The following MMUT variants were observed in gnomAD, a reference collection of about 807,000 sequenced individuals.
MMUT encodes the protein methylmalonyl-CoA mutase, mitochondrial.
In MMUT, 79 loss-of-function variants were observed where a neutral mutation model predicts 79.9. The observed-to-expected ratio is 0.99, with a 90% CI of 0.82 to 1.19. The LOEUF is 1.19. MMUT is among the 50% of genes most tolerant of loss of function. The pLI is 0.00. For synonymous variants in MMUT, 273 were observed against 295.7 expected, an observed-to-expected ratio of 0.92 and a Z score of 0.79; for missense variants, 860 against 917.2, an observed-to-expected ratio of 0.94 and a Z score of 0.81.
chr6:49,451,367 A>G (rs1767546380), intron 6 of MMUT, 99 bp downstream of exon 6: 3 of 1,344,534 alleles, frequency 2.2e-6, no homozygotes, highest in South Asian at 1.4e-5. Flanking sequence ...TGATTTATAA[A>G]TTTAAAATCT....
chr6:49,457,825 C>T lies in MMUT; in HGVS notation c.619G>A (p.Gly207Ser). 6.2e-7 allele frequency: 1 copy of T among 1,613,650 alleles called. No individual in the cohort carries two copies. Among genetic ancestry groups the T allele is most frequent in the Non-Finnish European group, 8.5e-7 (1 of 1,179,636 alleles). ...ANFIVTGEEQ[G>S]VPKEKLTGTI... ...CCAGTAAGCTTCTCTTTAGGTACAC[C>T]TTGTTCTTCTCCAGTTACTATAAAA... Residue 207 changes from glycine (G) to serine (S), a missense_variant, in exon 3 of 13, where the codon GGT (glycine) becomes AGT (serine). Gly to Ser is a moderately conservative substitution (Grantham distance 56). Transcript: ENST00000274813.
chr6:49,447,587 T>G (rs1767439860), intron 8 of MMUT, 83 bp downstream of exon 8: 3 of 774,646 alleles, frequency 3.9e-6, no homozygotes, highest in East Asian at 5.1e-5. Context: ...AGGATTAATT[T>G]AAGCAGGACA....
At chr6:49,432,842 G>C (rs1767022583) in intron 12 of MMUT, among the ~76,000 whole-genome samples, 1 of 152,124 alleles carries the variant, frequency 6.6e-6, no homozygotes, top group Non-Finnish European at 1.5e-5. Context: ...TTATCCAGTA[G>C]GGTGATCATA....
rs1265416780 is a variant in MMUT, at chr6:49,457,844, T to C, written c.600A>G (p.Ile200Met). 1 of 1,613,720 alleles carries C rather than the reference T, an allele frequency of 6.2e-7. No individual in the cohort carries two copies. Among genetic ancestry groups the C allele is most frequent in the African/African-American group, 1.3e-5 (1 of 74,908 alleles). ...GTACACCTTGTTCTTCTCCAGTTAC[T>C]ATAAAATTTGCAAGAACTGGAATAA... ...GAVIPVLANFIVTGEEQGVPK... is the reference protein window; with the variant it reads ...GAVIPVLANFMVTGEEQGVPK... Residue 200 changes from isoleucine (I) to methionine (M), a missense_variant, in exon 3 of 13, where the codon ATA (isoleucine) becomes ATG (methionine). Ile to Met is a conservative substitution (Grantham distance 10, BLOSUM62 1). Coordinates refer to ENST00000274813, the MANE Select transcript of MMUT (RefSeq NM_000255.4).
chr6:49,432,366 TTTTAG>T (rs1767002009), intron 12 of MMUT, among the ~76,000 whole-genome samples: 4 of 152,208 alleles, frequency 2.6e-5, no homozygotes, highest in African/African-American at 4.8e-5. Context: ...TGTTGATTTT[TTTTAG>T]TTTATTTATT....
chr6:49,453,872 C>A, intron 4 of MMUT, 116 bp from the exon 5 acceptor site: 2 of 891,598 alleles, frequency 2.2e-6, no homozygotes, highest in Admixed American at 2.2e-5. Context: ...TTTCGAAGAA[C>A]TTAATTTGAA....
Position 49,459,505 on chromosome 6 carries a change from C to T in MMUT, c.-39G>A, listed in dbSNP as rs1223999421. The T allele has an allele frequency of 6.3e-7, 1 of 1,598,544 alleles. No individual in the cohort carries two copies. The highest frequency in any genetic ancestry group is 8.5e-7 in the Non-Finnish European group (1 of 1,178,418). ...AACACCCAATAGAAATAAGAACTGA[C>T]CTAGAAAAAGAAACATAGAGTAAAA... is the stretch of plus-strand genomic sequence containing the variant. On this transcript the variant is annotated splice_region_variant and 5_prime_UTR_variant, in exon 2 of 13. Coordinates refer to ENST00000274813, the MANE Select transcript of MMUT (RefSeq NM_000255.4).
rs551866751 is a variant in MMUT at position 49,437,431 on chromosome 6, A to T, written c.1957-1808T>A. On this transcript the variant is annotated intron_variant, in intron 11 of 12. Transcript: ENST00000274813. ...AGAAAAAATAGATGGAAATAACCTA[A>T]AAAGCAGATAATAAAATATATAAAT... 2.0e-5 allele frequency among the ~76,000 whole-genome samples: 3 copies of T among 152,254 alleles called. No homozygotes were observed. The South Asian group carries it at 6.2e-4, about 32-fold the overall frequency.
chr6:49,436,494 A>G (rs1384332268), intron 11 of MMUT, among the ~76,000 whole-genome samples: 2 of 151,514 alleles, frequency 1.3e-5, no homozygotes, highest in Non-Finnish European at 2.9e-5. Flanking sequence ...AGTACCAGAT[A>G]CTCATATGGC....
intron 3 of MMUT, among the ~76,000 whole-genome samples, chr6:49,457,428 T>C (rs1020522990): frequency 6.6e-6 from 1 of 152,178 alleles, no homozygotes; most frequent in Non-Finnish European, 1.5e-5. Context: ...AATTTAAAAA[T>C]GTAAGTAGAA....
rs777647799 is a variant in MMUT at position 49,441,897 on chromosome 6, C to G, written c.1751G>C (p.Ser584Thr). 1.1e-5 allele frequency: 17 copies of G among 1,612,328 alleles called. No individual in the cohort carries two copies. Among genetic ancestry groups the G allele is most frequent in the Non-Finnish European group, 1.4e-5 (16 of 1,178,864 alleles). The stretch of plus-strand genomic sequence containing the variant: ...TCCAAATTCCTGGCGATATGCTCCA[C>G]TCACCATTCGATCATTCGCTTTATG... ...GEHKANDRMV[S>T]GAYRQEFGES... Residue 584 changes from serine to threonine, a missense_variant, in exon 10 of 13, where the codon AGT becomes ACT. Coordinates refer to ENST00000274813, the MANE Select transcript of MMUT (RefSeq NM_000255.4).
At chr6:49,444,472 TA>T (rs1334291700) in intron 9 of MMUT, among the ~76,000 whole-genome samples, 166 bp downstream of exon 9, 1 of 152,166 alleles carries the variant, frequency 6.6e-6, no homozygotes, top group Non-Finnish European at 1.5e-5. Context: ...ATGAATGTTT[TA>T]AATACAGAAA....
chr6:49,431,552 C>A lies in MMUT; in HGVS notation c.*176G>T. The A allele has an allele frequency of 5.3e-6, 3 of 561,894 alleles. No individual in the cohort carries two copies. The highest frequency in any genetic ancestry group is 6.3e-6 in the Non-Finnish European group (2 of 319,614). The allele number at this position is 561,894 out of a possible 1,614,324, so 34.8% of individuals were successfully genotyped here. ...TTTTTTTTTTATTTTTGAAGTGAAA[C>A]TGTATGTACATACTTATAGCATGAC... On this transcript the variant is annotated 3_prime_UTR_variant, in exon 13 of 13. Transcript: ENST00000274813.
At chr6:49,460,077 T>G (rs191664745) in intron 1 of MMUT, among the ~76,000 whole-genome samples, 5 of 152,300 alleles carry the variant, frequency 3.3e-5, no homozygotes, top group Non-Finnish European at 5.9e-5. Context: ...TTACCTACAG[T>G]TGGCTGCACA....
At chr6:49,453,882 A>G in intron 4 of MMUT, 126 bp from the exon 5 acceptor site, 1 of 828,640 alleles carries the variant, frequency 1.2e-6, no homozygotes, top group Non-Finnish European at 1.9e-6. Context: ...CTTAATTTGA[A>G]TTAAGATCAG....
intron 4 of MMUT, among the ~76,000 whole-genome samples, chr6:49,455,464 T>C (rs533353748): frequency 1.4e-3 from 208 of 152,348 alleles, no homozygotes; most frequent in Admixed American, 3.9e-3. Flanking sequence ...AGCATTTCAG[T>C]AGTCTATAAA....
intron 5 of MMUT, among the ~76,000 whole-genome samples, chr6:49,452,050 C>T (rs1767567940): frequency 6.6e-6 from 1 of 152,104 alleles, no homozygotes; most frequent in Admixed American, 6.6e-5. Context: ...TCACTCTTTG[C>T]TGATTATTTT....
intron 11 of MMUT, among the ~76,000 whole-genome samples, chr6:49,436,110 A>C (rs1428159548): frequency 1.3e-5 from 2 of 152,218 alleles, no homozygotes; most frequent in Non-Finnish European, 2.9e-5. Context: ...GCTATTATTA[A>C]AAAGTCAAAA....
At chr6:49,442,951 T>G (rs1767315816) in intron 9 of MMUT, among the ~76,000 whole-genome samples, 1 of 152,152 alleles carries the variant, frequency 6.6e-6, no homozygotes, top group African/African-American at 2.4e-5. Flanking sequence ...CATCTAATTT[T>G]TTTAATGAAA....
Sources: gnomAD v4.1 joint callset for allele counts (sites outside exome capture counted in the v4.1 genomes callset) on GRCh38, gnomAD v4.1.1 for gene constraint, MANE v1.5 for transcripts, NCBI Gene and HGNC (gene_info 2026-07-23, HGNC 2026-07-21) for gene names.